Variants in ITGAV observed in about 807,000 individuals in gnomAD.
ITGAV encodes the protein integrin alpha-V.
A neutral mutation model predicts 143.8 loss-of-function variants in ITGAV; 76 were observed. That is an observed-to-expected ratio of 0.53 (90% CI 0.44 to 0.64). The LOEUF is 0.64. ITGAV is among the 30% of genes least tolerant of loss of function. The pLI is 0.00. For missense variants in ITGAV, 1,193 were observed against 1,274.7 expected, an observed-to-expected ratio of 0.94 and a Z score of 0.98; for synonymous variants, 453 against 446.7, an observed-to-expected ratio of 1.01 and a Z score of -0.18.
At chr2:186,652,236 G>C in intron 15 of ITGAV, 147 bp downstream of exon 15, 1 of 615,834 alleles carries the variant, frequency 1.6e-6, no homozygotes, top group Non-Finnish European at 2.9e-6. Flanking sequence ...TTTATTTGAA[G>C]CAAGGTCTGC....
chr2:186,597,860 T>C (rs1039711331), intron 1 of ITGAV, among the ~76,000 whole-genome samples: 11 of 152,174 alleles, frequency 7.2e-5, no homozygotes, highest in Admixed American at 1.3e-4. Flanking sequence ...TAATACCTGG[T>C]GATCCGAGTT....
Position 186,602,244 on chromosome 2 carries a change from A to G in ITGAV, c.316+93A>G, listed in dbSNP as rs995126766. 4 of 974,732 alleles carry G rather than the reference A, an allele frequency of 4.1e-6. No individual in the cohort carries two copies. The African/African-American group carries it at 6.6e-5, about 16-fold the overall frequency. 60.4% of individuals were successfully genotyped at this position (974,732 alleles called of 1,614,324 possible). On this transcript the variant is annotated intron_variant, in intron 2 of 29. Transcript: ENST00000261023. ...TTAAATGTAGCCATTTAATACAATT[A>G]TATAGATAAGCACCTCAGCTTCACA...
chr2:186,637,947 A>G (rs531074421), intron 8 of ITGAV, among the ~76,000 whole-genome samples: 1 of 152,054 alleles, frequency 6.6e-6, no homozygotes, highest in African/African-American at 2.4e-5. Flanking sequence ...GCTCTGTATT[A>G]TTTTTCATTA....
At chr2:186,623,167 T>C (rs1487004123) in intron 3 of ITGAV, among the ~76,000 whole-genome samples, 1 of 152,212 alleles carries the variant, frequency 6.6e-6, no homozygotes, top group Non-Finnish European at 1.5e-5. Flanking sequence ...TTTTCTATGG[T>C]AACCATCGTA....
At chr2:186,667,801 A>G in intron 24 of ITGAV, 25 bp downstream of exon 24, 1 of 1,475,990 alleles carries the variant, frequency 6.8e-7, no homozygotes, top group Non-Finnish European at 9.4e-7. Flanking sequence ...GATTTTACTC[A>G]AACCTCGTGA....
chr2:186,650,820 G>A (rs1402967475), intron 14 of ITGAV, among the ~76,000 whole-genome samples: 1 of 152,132 alleles, frequency 6.6e-6, no homozygotes, highest in African/African-American at 2.4e-5. Flanking sequence ...AAAGTGCTGG[G>A]ATTACAGGTG....
chr2:186,650,916 T>A (rs1167326420), intron 14 of ITGAV, among the ~76,000 whole-genome samples: 2 of 152,220 alleles, frequency 1.3e-5, no homozygotes, highest in African/African-American at 4.8e-5. Flanking sequence ...AAAAATTGTC[T>A]GGGTTTACAT....
rs1420394550 is a variant in ITGAV, at chr2:186,622,763, C to CT, written c.408+342dup. 4.6e-5 allele frequency among the ~76,000 whole-genome samples: 7 copies of CT among 151,308 alleles called. No individual in the cohort carries two copies. The South Asian group carries it at 8.4e-4, about 18-fold the overall frequency. ...TTTAATACTTCCTCTCTCTCTCTCT[C>CT]TTTTTTTTTCTTTCCCTGAGACGGA... On this transcript the variant is annotated intron_variant, in intron 3 of 29. Transcript: ENST00000261023.
chr2:186,676,820 CTAA>C lies in ITGAV; in HGVS notation c.2938_2940del (p.Asn980del). The C allele has an allele frequency of 6.2e-7, 1 of 1,613,904 alleles. No homozygotes were observed. Among genetic ancestry groups the C allele is most frequent in the Non-Finnish European group, 8.5e-7 (1 of 1,179,874 alleles). The stretch of plus-strand genomic sequence containing the variant: ...AGCTTTTTTCCTCGATAGGTTACCA[CTAA>C]TGTCACCTGGGGCATTCAGCCAGCG... On this transcript the variant is annotated inframe_deletion, in exon 29 of 30. Coordinates refer to ENST00000261023, the MANE Select transcript of ITGAV (RefSeq NM_002210.5).
At position 186,622,264 on chromosome 2, in the gene ITGAV, G is replaced by C. The variant is rs568421704; in HGVS notation, c.317-75G>C. The C allele has an allele frequency of 3.4e-4, 336 of 1,002,412 alleles. 6 individuals are homozygous for C. The South Asian group carries it at 4.5e-3, about 14-fold the overall frequency. 62.1% of individuals were successfully genotyped at this position (1,002,412 alleles called of 1,614,324 possible). A position where few individuals can be genotyped will look rare whatever the true frequency, so the allele number is the denominator to read the frequency against. On this transcript the variant is annotated intron_variant, in intron 2 of 29. Coordinates refer to ENST00000261023, the MANE Select transcript of ITGAV (RefSeq NM_002210.5). ...CAAAGGTGTACTATTTCTCAACCTA[G>C]CTGGGGATAAAAATAAACTGTTATA... is the stretch of plus-strand genomic sequence containing the variant.
At chr2:186,612,302 A>G (rs139180630) in intron 2 of ITGAV, among the ~76,000 whole-genome samples, 22 of 152,230 alleles carry the variant, frequency 1.4e-4, no homozygotes, top group African/African-American at 4.8e-4. Context: ...CATTGAGAAA[A>G]GAGACCATGT....
intron 12 of ITGAV, among the ~76,000 whole-genome samples, chr2:186,642,599 A>G (rs1483369812): frequency 1.4e-5 from 2 of 147,404 alleles, no homozygotes; most frequent in Admixed American, 6.9e-5. Flanking sequence ...CAGTGGTGCA[A>G]TCATGGCTCA....
rs1169844621 is a variant in ITGAV, at chr2:186,651,860, T to C, written c.1398-122T>C. On this transcript the variant is annotated intron_variant, in intron 14 of 29. Transcript: ENST00000261023. The stretch of plus-strand genomic sequence containing the variant: ...ATGTTGTTCCTGTTCCTTTTACTAT[T>C]ACAAACAATGCTTTTAGTAGACATG... The C allele has an allele frequency of 8.5e-6, 5 of 591,042 alleles. No homozygotes were observed. The Admixed American group carries it at 1.2e-4, about 15-fold the overall frequency. The allele number at this position is 591,042 out of a possible 1,614,324, so 36.6% of individuals were successfully genotyped here. A position where few individuals can be genotyped will look rare whatever the true frequency, so the allele number is the denominator to read the frequency against.
chr2:186,666,357 C>A (rs1351671438), intron 21 of ITGAV, among the ~76,000 whole-genome samples: 1 of 152,200 alleles, frequency 6.6e-6, no homozygotes, highest in Non-Finnish European at 1.5e-5. Context: ...GAACACAGCA[C>A]ATACTTTGGT....
intron 6 of ITGAV, among the ~76,000 whole-genome samples, chr2:186,635,769 G>T (rs1298880493): frequency 1.3e-5 from 2 of 152,142 alleles, no homozygotes; most frequent in African/African-American, 4.8e-5. Context: ...TGTTTTAATG[G>T]ATTAGTTGGG....
intron 2 of ITGAV, among the ~76,000 whole-genome samples, chr2:186,619,081 A>G (rs1687448864): frequency 6.7e-6 from 1 of 149,016 alleles, no homozygotes; most frequent in South Asian, 2.1e-4. Context: ...ATATATGTAC[A>G]TGCATTATAT....
intron 21 of ITGAV, among the ~76,000 whole-genome samples, chr2:186,665,869 C>G (rs1688883576): frequency 1.3e-5 from 2 of 152,064 alleles, no homozygotes; most frequent in South Asian, 4.2e-4. Context: ...TTCCATATTT[C>G]TTTAGTATGT....
intron 17 of ITGAV, 61 bp from the exon 18 acceptor site, chr2:186,658,977 T>A (rs1010087410): frequency 7.4e-7 from 1 of 1,351,866 alleles, no homozygotes; most frequent in African/African-American, 1.5e-5. Flanking sequence ...TGTGCACTTA[T>A]GGATTTCTCC....
chr2:186,674,590 C>A lies in ITGAV; in HGVS notation c.2707-1014C>A, dbSNP rs539804167. Among the ~76,000 whole-genome samples the A allele has an allele frequency of 1.8e-3, 268 of 152,122 alleles. 1 individual carries two copies. Among genetic ancestry groups the A allele is most frequent in the African/African-American group, 6.0e-3 (250 of 41,486 alleles). The stretch of plus-strand genomic sequence containing the variant: ...GCAGTGACATGATCTTGGCTTACTG[C>A]AACTTCTGCCCCCCAGGTTCAAGCG... On this transcript the variant is annotated intron_variant, in intron 26 of 29. Transcript: ENST00000261023.
Sources: allele counts gnomAD v4.1 joint callset (sites outside exome capture counted in the v4.1 genomes callset), GRCh38; gene constraint gnomAD v4.1.1; transcripts MANE v1.5; gene names NCBI Gene and HGNC (gene_info 2026-07-23, HGNC 2026-07-21).